MRPL39: variants seen among roughly 807,000 people sequenced by gnomAD.
The protein encoded by MRPL39 is mitochondrial ribosomal protein L39.
MRPL39 carries 35 observed loss-of-function variants against 44.5 expected under a neutral mutation model. The observed-to-expected ratio is 0.79, with a 90% CI of 0.60 to 1.04. The LOEUF is 1.04. MRPL39 is among the 50% of genes least tolerant of loss of function. The pLI is 0.00. For missense variants in MRPL39, 433 were observed against 413.5 expected, an observed-to-expected ratio of 1.05 and a Z score of -0.41; for synonymous variants, 139 against 136.1, an observed-to-expected ratio of 1.02 and a Z score of -0.15.
rs2030976310 is a variant in MRPL39 at position 25,585,669 on chromosome 21, ATTTAT to A, written c.*33_*37del. ...CACACACAAACATTATATTTAAAAC[ATTTAT>A]TTTATTATACATATTTAAATTTTAG... On this transcript the variant is annotated 3_prime_UTR_variant, in exon 10 of 10. Transcript: ENST00000352957. 1.8e-6 allele frequency: 2 copies of A among 1,121,834 alleles called. No homozygotes were observed. The highest frequency in any genetic ancestry group is 1.6e-5 in the African/African-American group (1 of 61,724). The allele number at this position is 1,121,834 out of a possible 1,614,324, so 69.5% of individuals were successfully genotyped here. A position where few individuals can be genotyped will look rare whatever the true frequency, so the allele number is the denominator to read the frequency against.
intron 6 of MRPL39, among the ~76,000 whole-genome samples, chr21:25,594,374 C>A (rs2031287744): frequency 6.6e-6 from 1 of 151,724 alleles, no homozygotes; most frequent in Admixed American, 6.6e-5. Flanking sequence ...GCCTCAGCCA[C>A]CCAAGTAGCT....
chr21:25,598,346 G>A (rs1248638957), intron 5 of MRPL39, among the ~76,000 whole-genome samples: 1 of 151,390 alleles, frequency 6.6e-6, no homozygotes, highest in Non-Finnish European at 1.5e-5. Context: ...TACACCTGCA[G>A]TCCCAGCTAC....
At chr21:25,607,330 C>T in intron 1 of MRPL39, 73 bp downstream of exon 1, 1 of 1,555,482 alleles carries the variant, frequency 6.4e-7, no homozygotes, top group South Asian at 1.1e-5. Context: ...TCCCCGGCCC[C>T]GCCTCAGACC....
intron 9 of MRPL39, among the ~76,000 whole-genome samples, chr21:25,586,253 C>T (rs570687693): frequency 4.6e-5 from 7 of 152,320 alleles, no homozygotes; most frequent in African/African-American, 1.2e-4. Context: ...CCTGCATCAT[C>T]TATCTTGGTA....
Position 25,592,936 on chromosome 21 carries a change from C to T in MRPL39, c.797G>A (p.Gly266Asp), listed in dbSNP as rs771566191. ...RIGDFIDVSE[G>D]PLIPRTSICF... Reference sequence around the variant, plus strand: ...AATACTTGTTCTTGGAATAAGAGGGCCCTCACTCACATCAATGAAGTCACC... The same window carrying T: ...AATACTTGTTCTTGGAATAAGAGGGTCCTCACTCACATCAATGAAGTCACC... Residue 266 changes from glycine to aspartate, a missense_variant, in exon 8 of 10, where the codon GGC becomes GAC. Transcript: ENST00000352957. 6.2e-7 allele frequency: 1 copy of T among 1,612,478 alleles called. No individual in the cohort carries two copies. Among genetic ancestry groups the T allele is most frequent in the Non-Finnish European group, 8.5e-7 (1 of 1,179,170 alleles).
At chr21:25,599,392 C>T (rs926618686) in intron 5 of MRPL39, among the ~76,000 whole-genome samples, 19 of 152,150 alleles carry the variant, frequency 1.2e-4, no homozygotes, top group African/African-American at 4.6e-4. Flanking sequence ...TCAAATTGTG[C>T]TCCAGCGACC....
At chr21:25,606,387 A>C in intron 2 of MRPL39, 62 bp downstream of exon 2, 1 of 1,383,772 alleles carries the variant, frequency 7.2e-7, no homozygotes. Flanking sequence ...TGTCTCCTGC[A>C]CCAGTGCTTC....
intron 8 of MRPL39, among the ~76,000 whole-genome samples, chr21:25,592,007 T>C (rs1196837488): frequency 6.6e-6 from 1 of 152,160 alleles, no homozygotes; most frequent in Non-Finnish European, 1.5e-5. Context: ...ACTGATATAC[T>C]CAATGTACTC....
chr21:25,588,627 CAAAT>C (rs895837960), intron 9 of MRPL39, among the ~76,000 whole-genome samples: 44 of 152,246 alleles, frequency 2.9e-4, no homozygotes, highest in Middle Eastern at 3.4e-3. Context: ...ACGATATTAA[CAAAT>C]AAAATCAAAA....
chr21:25,594,435 T>C (rs940295934), intron 6 of MRPL39, among the ~76,000 whole-genome samples: 3 of 151,722 alleles, frequency 2.0e-5, no homozygotes, highest in Admixed American at 6.6e-5. Context: ...TTGGTAAAGA[T>C]AGGGTCTTGC....
chr21:25,603,044 T>G (rs889423353), intron 3 of MRPL39, among the ~76,000 whole-genome samples: 2 of 152,224 alleles, frequency 1.3e-5, no homozygotes, highest in Non-Finnish European at 2.9e-5. Flanking sequence ...CTTGCCTCCA[T>G]GTAAGATGTT....
intron 6 of MRPL39, among the ~76,000 whole-genome samples, chr21:25,594,663 C>A (rs908218234): frequency 1.3e-5 from 2 of 152,222 alleles, no homozygotes; most frequent in East Asian, 3.9e-4. Context: ...CCTCTTTTCA[C>A]GCTAAGCATC....
chr21:25,603,205 TA>T (rs2031570115), intron 3 of MRPL39, among the ~76,000 whole-genome samples: 1 of 152,046 alleles, frequency 6.6e-6, no homozygotes, highest in Non-Finnish European at 1.5e-5. Flanking sequence ...AGTGACCAAG[TA>T]CTCTAAAGAG....
intron 5 of MRPL39, among the ~76,000 whole-genome samples, chr21:25,597,898 T>C (rs1317331221): frequency 6.6e-6 from 1 of 152,152 alleles, no homozygotes; most frequent in Non-Finnish European, 1.5e-5. Context: ...GTGCAAAGTA[T>C]AGCATGTCCA....
chr21:25,589,633 C>G (rs2031110496), intron 8 of MRPL39, among the ~76,000 whole-genome samples: 1 of 152,164 alleles, frequency 6.6e-6, no homozygotes, highest in African/African-American at 2.4e-5. Flanking sequence ...GAAAACTGTG[C>G]AAAGTGTATC....
At chr21:25,602,029 A>G (rs1014537006) in intron 3 of MRPL39, among the ~76,000 whole-genome samples, 1 of 152,196 alleles carries the variant, frequency 6.6e-6, no homozygotes, top group African/African-American at 2.4e-5. Context: ...TGACCTGATC[A>G]GTCACAAGGA....
At chr21:25,604,087 TA>T (rs11303574) in intron 2 of MRPL39, 152 bp from the exon 3 acceptor site, 32,149 of 557,930 alleles carry the variant, frequency 0.058, 1,593 homozygotes, top group African/African-American at 0.24. Context: ...TATAATCAAT[TA>T]AAAAAAAAAA....
rs1177694786 is a variant in MRPL39 at position 25,603,890 on chromosome 21, T to G, written c.326A>C (p.Asp109Ala). The G allele has an allele frequency of 1.9e-6, 3 of 1,612,634 alleles. No individual in the cohort carries two copies. Among genetic ancestry groups the G allele is most frequent in the Non-Finnish European group, 2.5e-6 (3 of 1,179,456 alleles). The part of the protein sequence containing the change: ...YCRKSILALV[D>A]GQPWDMYKPL... ...CTTATACATGTCCCAAGGCTGTCCA[T>G]CCACCAGAGCCAGAATGGACTTCCT... is the stretch of plus-strand genomic sequence containing the variant. The change falls in exon 3 of 10, where the codon GAT becomes GCT. Residue 109 changes from aspartate to alanine, a missense_variant. By Grantham distance (126) the Asp-to-Ala change is moderately radical (BLOSUM62 -2). Coordinates refer to ENST00000352957, the MANE Select transcript of MRPL39 (RefSeq NM_017446.4).
chr21:25,587,670 CTT>C, intron 9 of MRPL39: 2 of 1,483,118 alleles, frequency 1.3e-6, no homozygotes, highest in South Asian at 1.1e-5. Flanking sequence ...CAAGCACAAA[CTT>C]ATATGAATAA....
Sources: gnomAD v4.1 joint callset for allele counts (sites outside exome capture counted in the v4.1 genomes callset) on GRCh38, gnomAD v4.1.1 for gene constraint, MANE v1.5 for transcripts, NCBI Gene and HGNC (gene_info 2026-07-23, HGNC 2026-07-21) for gene names.